ACTN3: variants seen among roughly 807,000 people sequenced by gnomAD.
The protein encoded by ACTN3 is actinin alpha 3.
ACTN3 carries 91 observed loss-of-function variants against 119.6 expected under a neutral mutation model. The observed-to-expected ratio is 0.76, with a 90% CI of 0.64 to 0.91. The LOEUF (loss-of-function observed/expected upper bound fraction) is 0.91. Ranked by LOEUF, ACTN3 falls within the 40% of genes least tolerant of loss-of-function variation. ACTN3 has a pLI of 0.00. For missense variants in ACTN3, 1,221 were observed against 1,215.1 expected (o/e 1.00, Z -0.07); for synonymous variants, 456 against 478.8 (o/e 0.95, Z 0.62).
At position 66,559,297 on chromosome 11, in the gene ACTN3, G is replaced by A. The variant is rs565724618; in HGVS notation, c.1338G>A (p.Ala446=). The part of the protein sequence containing the change: ...YDSALLQEVR[A]LLRRHEAFES... ...CGGCTTTGCTACAGGAGGTGCGGGC[G>A]TTGCTGCGGCGCCACGAGGCCTTTG... Residue 446 remains alanine, a synonymous_variant, in exon 12 of 21, where the codon GCG becomes GCA. Coordinates refer to ENST00000513398, the MANE Select transcript of ACTN3 (RefSeq NM_001104.4). 6.5e-5 allele frequency: 102 copies of A among 1,573,584 alleles called. No individual in the cohort carries two copies. The South Asian group carries it at 8.7e-4, about 13-fold the overall frequency.
At chr11:66,546,542 G>C (rs1370349215), upstream of ACTN3, 1 of 1,535,470 alleles carries the variant, frequency 6.5e-7, no homozygotes, top group Non-Finnish European at 8.7e-7. Context: ...CCACCAGCGA[G>C]GTGCTGGAAG....
intron 3 of ACTN3, among the ~76,000 whole-genome samples, chr11:66,551,998 C>T (rs1857482232): frequency 6.6e-6 from 1 of 151,782 alleles, no homozygotes. Context: ...ATTGAATGAA[C>T]CTGGGAGGTG....
chr11:66,547,845 G>A (rs1418748304), intron 1 of ACTN3, among the ~76,000 whole-genome samples: 6 of 152,002 alleles, frequency 3.9e-5, no homozygotes, highest in African/African-American at 1.5e-4. Context: ...AGGGGCACAG[G>A]GGCAGCTGCT....
At chr11:66,549,331 G>C (rs1857425694) in intron 1 of ACTN3, among the ~76,000 whole-genome samples, 1 of 152,170 alleles carries the variant, frequency 6.6e-6, no homozygotes, top group Admixed American at 6.5e-5. Context: ...CTGATCCGCA[G>C]CGTCCCTCCC....
intron 7 of ACTN3, 108 bp from the exon 8 acceptor site, chr11:66,556,037 G>T (rs1393491928): frequency 2.0e-6 from 2 of 985,770 alleles, no homozygotes; most frequent in African/African-American, 3.3e-5. Flanking sequence ...GTGGCTGGCT[G>T]CTGGTGGCCA....
At chr11:66,550,479 G>C (rs1857447371) in intron 1 of ACTN3, among the ~76,000 whole-genome samples, 1 of 152,168 alleles carries the variant, frequency 6.6e-6, no homozygotes, top group Non-Finnish European at 1.5e-5. Flanking sequence ...ATCAGACCAG[G>C]CATGGTGGCT....
upstream of ACTN3, chr11:66,546,814 C>G (rs1454783741): frequency 2.0e-5 from 30 of 1,529,370 alleles, no homozygotes; most frequent in Non-Finnish European, 2.6e-5. Flanking sequence ...TCACCCCCAT[C>G]CGGCCCCTCC....
chr11:66,552,894 A>T (rs1340782901), intron 3 of ACTN3, among the ~76,000 whole-genome samples: 6 of 148,834 alleles, frequency 4.0e-5, no homozygotes, highest in African/African-American at 1.2e-4. Flanking sequence ...ACACACACAC[A>T]CACACACACA....
rs202032409 is a variant in ACTN3 at position 66,560,630 on chromosome 11, C to T, written c.1735C>T (p.Arg579Ter). The T allele has an allele frequency of 7.7e-5, 124 of 1,613,662 alleles. No individual in the cohort carries two copies. The Admixed American group carries it at 1.1e-3, about 14-fold the overall frequency. The change falls in exon 15 of 21, where the codon CGA becomes TGA. Residue 579 changes from arginine to a stop codon, truncating the protein, a stop_gained. Coordinates refer to ENST00000513398, the MANE Select transcript of ACTN3 (RefSeq NM_001104.4). LOFTEE classifies it high-confidence loss of function. ...AACACTGCCCGAGGCTGACCGAGAGCGAGGTGCCATCATGGGCATCCAGGG... is the reference window on the plus strand; with the variant it reads ...AACACTGCCCGAGGCTGACCGAGAGTGAGGTGCCATCATGGGCATCCAGGG... ...KATLPEADRE[R>*]GAIMGIQGEI...
intron 6 of ACTN3, 31 bp downstream of exon 6, chr11:66,555,239 C>A: frequency 1.9e-6 from 3 of 1,614,022 alleles, no homozygotes; most frequent in Non-Finnish European, 2.5e-6. Context: ...AGCCCAAGGC[C>A]TCTGCCTGCA....
chr11:66,554,001 C>T (rs1857532484), intron 3 of ACTN3, 44 bp from the exon 4 acceptor site: 1 of 1,571,582 alleles, frequency 6.4e-7, no homozygotes, highest in African/African-American at 1.4e-5. Flanking sequence ...ATAGCACAGA[C>T]CTTGAATGCC....
In ACTN3 at chr11:66,556,226, A is replaced by C. The variant is rs762276246; in HGVS notation, c.800A>C (p.Glu267Ala). The change falls in exon 8 of 21, where the codon GAG (glutamate) becomes GCG (alanine). Residue 267 changes from glutamate (E) to alanine (A), a missense_variant. This residue lies in a region of ACTN3 where 934 missense variants were observed against 899.9 expected (regional missense o/e 1.04). Coordinates refer to ENST00000513398, the MANE Select transcript of ACTN3 (RefSeq NM_001104.4). ...SCFYHAFAGA[E>A]QAETAANRIC... ...TTCTACCATGCCTTTGCCGGGGCTGAGCAGGTAAGGCGGCCCAACTGCTGC... is the reference window on the plus strand; with the variant it reads ...TTCTACCATGCCTTTGCCGGGGCTGCGCAGGTAAGGCGGCCCAACTGCTGC... 1.2e-6 allele frequency: 2 copies of C among 1,613,676 alleles called. No individual in the cohort carries two copies. The highest frequency in any genetic ancestry group is 1.1e-5 in the South Asian group (1 of 91,018).
rs77239910 is a variant in ACTN3 at position 66,562,168 on chromosome 11, G to A, written c.2322G>A (p.Arg774=). Residue 774 remains arginine, a splice_region_variant and synonymous_variant, in exon 18 of 21, where the codon AGG becomes AGA. Transcript: ENST00000513398. ...GAGCATCCTTCAACCACTTTGACAG[G>A]GTCAGCAGGGGCCTGGCCCTGTGGG... ...EFRASFNHFD[R]KQNGMMEPDD... 0.15 allele frequency: 245,995 copies of A among 1,613,836 alleles called. 20,368 individuals carry two copies. Among genetic ancestry groups the A allele is most frequent in the Non-Finnish European group, 0.17 (200,462 of 1,179,844 alleles).
chr11:66,562,567 A>T (rs1857806883), intron 19 of ACTN3, among the ~76,000 whole-genome samples: 1 of 151,952 alleles, frequency 6.6e-6, no homozygotes, highest in African/African-American at 2.4e-5. Context: ...GTGGCCCTGG[A>T]AAAAAAATCA....
intron 16 of ACTN3, 35 bp from the exon 17 acceptor site, chr11:66,561,423 T>C (rs770496957): frequency 6.9e-6 from 11 of 1,603,596 alleles, no homozygotes; most frequent in Non-Finnish European, 9.4e-6. Flanking sequence ...CCACAGGGAG[T>C]TGGGAGCCCT....
chr11:66,547,063 C>A lies in ACTN3; in HGVS notation c.126C>A (p.Ala42=). 1 of 1,509,346 alleles carries A rather than the reference C, an allele frequency of 6.6e-7. No individual in the cohort carries two copies. The highest frequency in any genetic ancestry group is 1.4e-5 in the South Asian group (1 of 73,948). 93.5% of individuals were successfully genotyped at this position (1,509,346 alleles called of 1,614,324 possible). The change falls in exon 1 of 21, where the codon GCC becomes GCA. Residue 42 remains alanine (A), a synonymous_variant. Transcript: ENST00000513398. The part of the protein sequence containing the change: ...DWDRDLLLDP[A]WEKQQRKTFT... ...ACCGCGACCTGCTGCTGGACCCGGCCTGGGAGAAGCAGCAGCGGAAAGTGA... is the reference window on the plus strand; with the variant it reads ...ACCGCGACCTGCTGCTGGACCCGGCATGGGAGAAGCAGCAGCGGAAAGTGA...
At chr11:66,557,074 T>C in intron 8 of ACTN3, 59 bp from the exon 9 acceptor site, 1 of 1,503,066 alleles carries the variant, frequency 6.7e-7, no homozygotes, top group South Asian at 1.2e-5. Context: ...CTCTGGGTTT[T>C]AAGGGCTTTA....
intron 1 of ACTN3, among the ~76,000 whole-genome samples, chr11:66,550,141 A>G (rs1857441384): frequency 6.6e-6 from 1 of 152,194 alleles, no homozygotes; most frequent in Non-Finnish European, 1.5e-5. Flanking sequence ...CTGGAAGAAG[A>G]AAGACCTGAG....
Position 66,551,639 on chromosome 11 carries a change from G to A in ACTN3, c.374G>A (p.Gly125Asp), listed in dbSNP as rs533712814. 3.5e-5 allele frequency: 57 copies of A among 1,613,602 alleles called. No homozygotes were observed. In the South Asian group the frequency reaches 6.2e-4, roughly 17 times the overall value. ...ASKGVKLVSI[G>D]AEEIVDGNLK... ...AAGGGGGTTAAACTGGTGTCCATTGGTGCTGAAGGTGAGGAGGTGGCAGGA... is the reference window on the plus strand; with the variant it reads ...AAGGGGGTTAAACTGGTGTCCATTGATGCTGAAGGTGAGGAGGTGGCAGGA... Residue 125 changes from glycine to aspartate, a missense_variant, in exon 3 of 21, where the codon GGT becomes GAT. By Grantham distance (94) the Gly-to-Asp change is moderately conservative (BLOSUM62 -1). This residue lies in a region of ACTN3 where 239 missense variants were observed against 231.8 expected (regional missense o/e 1.03). Coordinates refer to ENST00000513398, the MANE Select transcript of ACTN3 (RefSeq NM_001104.4).
Sources: gnomAD v4.1 joint callset for allele counts (sites outside exome capture counted in the v4.1 genomes callset) on GRCh38, gnomAD v4.1.1 for gene constraint, gnomAD v4.1.1 regional missense constraint, MANE v1.5 for transcripts, NCBI Gene and HGNC (gene_info 2026-07-23, HGNC 2026-07-21) for gene names.